Variants in CNTLN observed in about 807,000 individuals in gnomAD.
CNTLN encodes the protein centlein, centrosomal protein.
CNTLN carries 212 observed loss-of-function variants against 180.0 expected under a neutral mutation model. The ratio of observed to expected loss-of-function variants is 1.18; its 90% CI spans 1.05 to 1.32. The LOEUF (loss-of-function observed/expected upper bound fraction) is 1.32. CNTLN is among the 40% of genes most tolerant of loss of function. The pLI, the probability that CNTLN is intolerant of heterozygous loss-of-function variation, is 0.00. For missense variants in CNTLN, 2,095 were observed against 1,610.9 expected (o/e 1.30, Z -5.14); for synonymous variants, 722 against 563.1 (o/e 1.28, Z -3.99).
chr9:17,368,743 G>A (rs1235200958), intron 13 of CNTLN, among the ~76,000 whole-genome samples: 1 of 152,198 alleles, frequency 6.6e-6, no homozygotes, highest in East Asian at 1.9e-4. Flanking sequence ...ATCCAAGACT[G>A]CCCAGGCAGT....
Position 17,135,206 on chromosome 9 carries a change from G to C in CNTLN, c.141G>C (p.Glu47Asp), listed in dbSNP as rs1817614531. The C allele has an allele frequency of 6.2e-7, 1 of 1,610,756 alleles. No homozygotes were observed. The highest frequency in any genetic ancestry group is 8.5e-7 in the Non-Finnish European group (1 of 1,178,932). The change falls in exon 1 of 26, where the codon GAG (glutamate) becomes GAC (aspartate). Residue 47 changes from glutamate to aspartate, a missense_variant. Physicochemically the swap from Glu to Asp is conservative, Grantham distance 45. Coordinates refer to ENST00000380647, the MANE Select transcript of CNTLN (RefSeq NM_017738.4). Reference protein sequence around the residue: ...EASGFAGAAREVVADESDKIW... With the variant: ...EASGFAGAARDVVADESDKIW... ...CGGGTTTTGCCGGCGCAGCGCGGGA[G>C]GTGGTCGCGGACGAAAGTGATAAAA...
intron 2 of CNTLN, among the ~76,000 whole-genome samples, chr9:17,144,119 T>G (rs967872585): frequency 2.6e-5 from 4 of 152,214 alleles, no homozygotes; most frequent in Admixed American, 6.5e-5. Context: ...ATATCATTTT[T>G]TATTACTTGA....
At chr9:17,281,177 G>T (rs1453599162) in intron 6 of CNTLN, among the ~76,000 whole-genome samples, 1 of 152,038 alleles carries the variant, frequency 6.6e-6, no homozygotes, top group Non-Finnish European at 1.5e-5. Flanking sequence ...TACTCCTACT[G>T]AGAGGTATAC....
chr9:17,336,714 A>T lies in CNTLN; in HGVS notation c.1644+3984A>T, dbSNP rs187428676. ...AGGCTCATCTATAAAACCTTTTTTT[A>T]AAAAAATTATACTTTAAGTTCTGGG... is the stretch of plus-strand genomic sequence containing the variant. On this transcript the variant is annotated intron_variant, in intron 10 of 25. Coordinates refer to ENST00000380647, the MANE Select transcript of CNTLN (RefSeq NM_017738.4). Among the ~76,000 whole-genome samples the T allele has an allele frequency of 5.6e-4, 85 of 152,192 alleles. No individual in the cohort carries two copies. In the East Asian group the frequency reaches 0.011, roughly 20 times the overall value.
intron 6 of CNTLN, among the ~76,000 whole-genome samples, 184 bp from the exon 7 acceptor site, chr9:17,298,006 A>G (rs920126018): frequency 2.6e-5 from 4 of 152,228 alleles, no homozygotes; most frequent in African/African-American, 4.8e-5. Flanking sequence ...CGTTGTATCA[A>G]TACTTTCTGT....
intron 18 of CNTLN, among the ~76,000 whole-genome samples, 170 bp downstream of exon 18, chr9:17,416,359 A>T (rs1345906770): frequency 6.6e-6 from 1 of 152,200 alleles, no homozygotes; most frequent in Non-Finnish European, 1.5e-5. Flanking sequence ...TTCTTTAATA[A>T]GGCCCATATT....
chr9:17,168,585 C>G (rs1954377073), intron 2 of CNTLN: 1 of 151,992 alleles, frequency 6.6e-6, no homozygotes, highest in South Asian at 2.1e-4. Context: ...TGTATGTGAT[C>G]TTCGATTAAT....
intron 5 of CNTLN, among the ~76,000 whole-genome samples, chr9:17,269,276 C>T (rs530738559): frequency 3.5e-4 from 53 of 152,138 alleles, no homozygotes; most frequent in Non-Finnish European, 3.1e-4. Context: ...CTACTCTAAT[C>T]TTTCTTATTT....
chr9:17,195,262 A>T (rs1220388660), intron 2 of CNTLN, among the ~76,000 whole-genome samples: 2 of 152,230 alleles, frequency 1.3e-5, no homozygotes, highest in African/African-American at 4.8e-5. Context: ...ACTGAAAGCT[A>T]AGTCGGTTTG....
chr9:17,441,958 A>G (rs759598992), intron 18 of CNTLN, among the ~76,000 whole-genome samples: 5 of 152,210 alleles, frequency 3.3e-5, no homozygotes, highest in Admixed American at 1.3e-4. Context: ...CACCTGAAAG[A>G]AGGGCCTATT....
At chr9:17,163,889 C>T (rs1353032143) in intron 2 of CNTLN, among the ~76,000 whole-genome samples, 1 of 150,910 alleles carries the variant, frequency 6.6e-6, no homozygotes, top group Non-Finnish European at 1.5e-5. Context: ...TGTGGTGGTG[C>T]ACATCTATAG....
At chr9:17,414,506 A>G (rs1449248202) in intron 16 of CNTLN, among the ~76,000 whole-genome samples, 1 of 152,204 alleles carries the variant, frequency 6.6e-6, no homozygotes, top group African/African-American at 2.4e-5. Flanking sequence ...CTTAAATACT[A>G]ATTAAATCTT....
chr9:17,241,468 A>G lies in CNTLN; in HGVS notation c.849+4880A>G, dbSNP rs912943405. Among the ~76,000 whole-genome samples the G allele has an allele frequency of 2.6e-5, 4 of 152,228 alleles. 1 individual carries two copies. Among genetic ancestry groups the G allele is most frequent in the Admixed American group, 2.6e-4 (4 of 15,286 alleles). ...ATTTTGGTTATTATAGCTTTGTAAT[A>G]TGATTTGAAGTCAGGTGATGTGATT... On this transcript the variant is annotated intron_variant, in intron 5 of 25. Transcript: ENST00000380647.
At chr9:17,247,442 C>A (rs1563918413) in intron 5 of CNTLN, among the ~76,000 whole-genome samples, 1 of 152,288 alleles carries the variant, frequency 6.6e-6, no homozygotes, top group South Asian at 2.1e-4. Flanking sequence ...TCCACAGTCC[C>A]TGTGCTCTGC....
chr9:17,328,042 A>G (rs1037523529), intron 8 of CNTLN, among the ~76,000 whole-genome samples: 26 of 152,302 alleles, frequency 1.7e-4, no homozygotes, highest in African/African-American at 6.0e-4. Context: ...AATTCATATT[A>G]CAGTCCCTCT....
At chr9:17,517,391 C>G in the CNTLN span, among the ~76,000 whole-genome samples, 1 of 119,184 alleles carries the variant, frequency 8.4e-6, no homozygotes. Context: ...GACTCCATCT[C>G]AAACAAAACA....
At chr9:17,297,842 A>G (rs969127024) in intron 6 of CNTLN, among the ~76,000 whole-genome samples, 1 of 152,278 alleles carries the variant, frequency 6.6e-6, no homozygotes, top group East Asian at 1.9e-4. Flanking sequence ...TTTGTTCAAA[A>G]CTGTCTAATA....
chr9:17,301,237 G>A (rs1010543012), intron 7 of CNTLN: 4 of 985,292 alleles, frequency 4.1e-6, no homozygotes, highest in South Asian at 4.7e-5. Context: ...GAGCTTATAT[G>A]CCCCTATTTG....
chr9:17,260,403 G>A (rs1009871908), intron 5 of CNTLN, among the ~76,000 whole-genome samples: 4 of 151,190 alleles, frequency 2.6e-5, no homozygotes, highest in African/African-American at 9.8e-5. Flanking sequence ...CAAATATGTG[G>A]CCAATTTTGG....
Sources: gnomAD v4.1 joint callset for allele counts (sites outside exome capture counted in the v4.1 genomes callset) on GRCh38, gnomAD v4.1.1 for gene constraint, MANE v1.5 for transcripts, NCBI Gene and HGNC (gene_info 2026-07-23, HGNC 2026-07-21) for gene names.